The following TNR variants were observed in gnomAD, a reference collection of about 807,000 sequenced individuals.
TNR encodes tenascin R.
In TNR, 45 loss-of-function variants were observed where a neutral mutation model predicts 150.4. The ratio of observed to expected loss-of-function variants is 0.30; its 90% CI spans 0.24 to 0.38. The LOEUF is 0.38. Among genes scored for constraint, TNR ranks in the 10% least tolerant of loss-of-function variants. TNR has a pLI of 1.00. For missense variants in TNR, 1,544 were observed against 1,759.1 expected (o/e 0.88, Z 2.19); for synonymous variants, 687 against 678.4 (o/e 1.01, Z -0.20).
At chr1:175,375,902 G>A (rs968525063) in intron 9 of TNR, among the ~76,000 whole-genome samples, 1 of 152,146 alleles carries the variant, frequency 6.6e-6, no homozygotes, top group African/African-American at 2.4e-5. Context: ...TTTAATTCTC[G>A]CTACAACCCA....
intron 1 of TNR, among the ~76,000 whole-genome samples, chr1:175,569,664 A>G (rs1255022728): frequency 6.6e-6 from 1 of 152,254 alleles, no homozygotes. Context: ...CAAAATTAAT[A>G]GCACACCATG....
intron 2 of TNR, among the ~76,000 whole-genome samples, chr1:175,417,075 G>GAAAGAAAGAAAGAAATAAATAAATAAAT (rs754333098): frequency 3.6e-5 from 5 of 138,278 alleles, no homozygotes; most frequent in East Asian, 4.7e-4. Flanking sequence ...AAGAAAGAAA[G>GAAAGAAAGAAAGAAATAAATAAATAAAT]AAATCTAAGA....
chr1:175,529,336 A>G (rs1005285005), intron 1 of TNR, among the ~76,000 whole-genome samples: 13 of 152,252 alleles, frequency 8.5e-5, no homozygotes, highest in Admixed American at 8.5e-4. Context: ...CATCTAAGAC[A>G]TCTGTGAATA....
chr1:175,471,369 A>G (rs573023222), intron 2 of TNR, among the ~76,000 whole-genome samples: 1 of 152,196 alleles, frequency 6.6e-6, no homozygotes, highest in Admixed American at 6.5e-5. Flanking sequence ...TCGTTAGTCG[A>G]CTGTGTGAAC....
intron 1 of TNR, among the ~76,000 whole-genome samples, chr1:175,585,301 G>T (rs992898492): frequency 2.0e-5 from 3 of 152,146 alleles, no homozygotes; most frequent in African/African-American, 7.2e-5. Flanking sequence ...TCAAACTTAA[G>T]CACAAAACTA....
chr1:175,450,854 C>T lies in TNR; in HGVS notation c.-63-44077G>A, dbSNP rs1462363149. Among the ~76,000 whole-genome samples, 4 of 152,306 alleles carry T rather than the reference C, an allele frequency of 2.6e-5. No individual in the cohort carries two copies. The East Asian group carries it at 5.8e-4, about 22-fold the overall frequency. On this transcript the variant is annotated intron_variant, in intron 2 of 22. Transcript: ENST00000367674. ...GGGGTCTGAAAGCACAGTTAAGTTGCATCCATCTATCTGTGACATCCCACA... is the reference window on the plus strand; with the variant it reads ...GGGGTCTGAAAGCACAGTTAAGTTGTATCCATCTATCTGTGACATCCCACA...
chr1:175,503,255 A>T (rs1340257062), intron 2 of TNR, among the ~76,000 whole-genome samples: 1 of 152,208 alleles, frequency 6.6e-6, no homozygotes, highest in Non-Finnish European at 1.5e-5. Flanking sequence ...GGCCCTGAGG[A>T]TGGATCCCAA....
chr1:175,541,809 G>T (rs1379087132), intron 1 of TNR, among the ~76,000 whole-genome samples: 1 of 152,150 alleles, frequency 6.6e-6, no homozygotes, highest in Non-Finnish European at 1.5e-5. Context: ...AACTGGTAAA[G>T]TCTCTCTAAG....
At chr1:175,391,916 T>C (rs1262649860) in intron 6 of TNR, among the ~76,000 whole-genome samples, 1 of 152,210 alleles carries the variant, frequency 6.6e-6, no homozygotes, top group South Asian at 2.1e-4. Context: ...GACATTGCTA[T>C]GAGATAATTG....
rs1308018294 is a variant in TNR at position 175,434,256 on chromosome 1, A to G, written c.-63-27479T>C. Among the ~76,000 whole-genome samples, 6 of 152,120 alleles carry G rather than the reference A, an allele frequency of 3.9e-5. 1 individual carries two copies. The highest frequency in any genetic ancestry group is 8.8e-5 in the Non-Finnish European group (6 of 68,030). ...GGAATGAAAGCTCCAGAGAAGCTCC[A>G]CCTTTTATGTTAGCATATGGGGTGT... is the stretch of plus-strand genomic sequence containing the variant. On this transcript the variant is annotated intron_variant, in intron 2 of 22. Coordinates refer to ENST00000367674, the MANE Select transcript of TNR (RefSeq NM_003285.3).
At chr1:175,687,373 A>G (rs1176226221) in intron 1 of TNR, among the ~76,000 whole-genome samples, 1 of 151,858 alleles carries the variant, frequency 6.6e-6, no homozygotes, top group Non-Finnish European at 1.5e-5. Context: ...CCCTGCCTTT[A>G]CCCCTGCATT....
intron 19 of TNR, 111 bp downstream of exon 19, chr1:175,337,417 G>A (rs900891204): frequency 4.7e-6 from 6 of 1,288,532 alleles, no homozygotes; most frequent in Non-Finnish European, 6.6e-6. Flanking sequence ...CATGTGGGGG[G>A]TGATAAAAGG....
chr1:175,705,927 G>C (rs371844168), intron 1 of TNR, among the ~76,000 whole-genome samples: 1 of 152,134 alleles, frequency 6.6e-6, no homozygotes, highest in African/African-American at 2.4e-5. Context: ...GTTCTCAAAA[G>C]ATATTTCCCA....
chr1:175,362,300 C>T (rs552758533), intron 14 of TNR, among the ~76,000 whole-genome samples: 2 of 152,290 alleles, frequency 1.3e-5, no homozygotes, highest in South Asian at 4.1e-4. Flanking sequence ...GGAATAACAA[C>T]CCTTTTCTTC....
At chr1:175,731,520 G>A (rs984873448) in intron 1 of TNR, among the ~76,000 whole-genome samples, 4 of 152,076 alleles carry the variant, frequency 2.6e-5, no homozygotes, top group Non-Finnish European at 2.9e-5. Flanking sequence ...TTAAGTGCCC[G>A]GAGTCCTATA....
At chr1:175,394,706 C>G (rs1190940616) in intron 5 of TNR, among the ~76,000 whole-genome samples, 1 of 152,184 alleles carries the variant, frequency 6.6e-6, no homozygotes, top group Admixed American at 6.5e-5. Context: ...GGAAAAAGGA[C>G]AGATTTTCTC....
At chr1:175,547,964 T>A (rs2102196607) in intron 1 of TNR, among the ~76,000 whole-genome samples, 1 of 152,318 alleles carries the variant, frequency 6.6e-6, no homozygotes, top group Non-Finnish European at 1.5e-5. Context: ...CTAACATGAT[T>A]AAATTTGGGT....
rs68110024 is a variant in TNR at position 175,395,064 on chromosome 1, T to TA, written c.1241-1170dup. On this transcript the variant is annotated intron_variant, in intron 5 of 22. Transcript: ENST00000367674. The stretch of plus-strand genomic sequence containing the variant: ...CTCAGGCACCAGAGGATTTTTTTTT[T>TA]AAAAAAAGGTCAAATATAAACAGAG... Among the ~76,000 whole-genome samples the TA allele has an allele frequency of 1.9e-3, 282 of 152,080 alleles. 3 individuals are homozygous for TA. Among genetic ancestry groups the TA allele is most frequent in the African/African-American group, 6.5e-3 (271 of 41,500 alleles).
Position 175,406,414 on chromosome 1 carries a change from A to G in TNR, c.301T>C (p.Tyr101His), listed in dbSNP as rs772169378. 40 of 1,613,750 alleles carry G rather than the reference A, an allele frequency of 2.5e-5. 1 individual carries two copies. The South Asian group carries it at 3.2e-4, about 13-fold the overall frequency. Residue 101 changes from tyrosine (Y) to histidine (H), a missense_variant, in exon 3 of 23, where the codon TAC (tyrosine) becomes CAC (histidine). By Grantham distance (83) the Tyr-to-His change is moderately conservative. Coordinates refer to ENST00000367674, the MANE Select transcript of TNR (RefSeq NM_003285.3). ...VSAEDETLAEYMGQTSDHESQ... is the reference protein window; with the variant it reads ...VSAEDETLAEHMGQTSDHESQ... ...TCGTGGTCTGAGGTCTGGCCCATGT[A>G]CTCTGCCAGAGTCTCGTCTTCTGCA...
Sources: gnomAD v4.1 joint callset for allele counts (sites outside exome capture counted in the v4.1 genomes callset) on GRCh38, gnomAD v4.1.1 for gene constraint, MANE v1.5 for transcripts, NCBI Gene and HGNC (gene_info 2026-07-23, HGNC 2026-07-21) for gene names.